Variants in USP34 observed in about 807,000 individuals in gnomAD.
USP34 encodes ubiquitin carboxyl-terminal hydrolase 34.
USP34 carries 70 observed loss-of-function variants against 460.3 expected under a neutral mutation model. The ratio of observed to expected loss-of-function variants is 0.15; its 90% CI spans 0.13 to 0.19. The LOEUF (loss-of-function observed/expected upper bound fraction) is 0.19, where lower values mean the gene tolerates loss of function less well. Among genes scored for constraint, USP34 ranks in the 10% least tolerant of loss-of-function variants. USP34 has a pLI of 1.00. For synonymous variants in USP34, 1,647 were observed against 1,405.3 expected (o/e 1.17, Z -3.85); for missense variants, 3,985 against 4,236.2 (o/e 0.94, Z 1.65).
intron 48 of USP34, among the ~76,000 whole-genome samples, chr2:61,255,487 A>T (rs961064966): frequency 6.6e-6 from 1 of 152,218 alleles, no homozygotes; most frequent in Non-Finnish European, 1.5e-5. Flanking sequence ...CAGCATTGGG[A>T]AAGTTTCTTT....
At chr2:61,390,703 ATAAGG>A (rs948322097) in intron 5 of USP34, among the ~76,000 whole-genome samples, 8 of 152,180 alleles carry the variant, frequency 5.3e-5, no homozygotes, top group African/African-American at 1.9e-4. Context: ...CCTTAATCTG[ATAAGG>A]TAAGAATTTC....
chr2:61,280,087 A>G (rs1001302067), intron 39 of USP34, among the ~76,000 whole-genome samples, 157 bp downstream of exon 39: 5 of 152,226 alleles, frequency 3.3e-5, no homozygotes, highest in African/African-American at 4.8e-5. Context: ...GAATTAGAAG[A>G]AGGTGGAAAA....
At chr2:61,216,492 C>A (rs969064616) in intron 67 of USP34, among the ~76,000 whole-genome samples, 11 of 151,876 alleles carry the variant, frequency 7.2e-5, no homozygotes, top group African/African-American at 2.7e-4. Flanking sequence ...CCCAGCTACT[C>A]GGGAGGCTGA....
chr2:61,264,897 A>G (rs1393897155), intron 43 of USP34, among the ~76,000 whole-genome samples: 1 of 152,050 alleles, frequency 6.6e-6, no homozygotes, highest in East Asian at 1.9e-4. Context: ...CCACGGTAAA[A>G]AAGAATGAAA....
Position 61,236,375 on chromosome 2 carries a change from A to G in USP34, c.6792T>C (p.Asp2264=). The change falls in exon 54 of 80, where the codon GAT becomes GAC. Residue 2264 remains aspartate (D), a synonymous_variant. Transcript: ENST00000398571. ...TTTTGTCTTGAAGAAACTGCATGTT[A>G]TCATGCCAAATCCACTGAAAATAAA... The part of the protein sequence containing the change: ...SSELLEWIWH[D]NMQFLQDKNI... The G allele has an allele frequency of 6.3e-7, 1 of 1,597,604 alleles. No individual in the cohort carries two copies. The highest frequency in any genetic ancestry group is 1.1e-5 in the South Asian group (1 of 87,240).
chr2:61,467,579 G>T (rs1265079374), intron 1 of USP34, among the ~76,000 whole-genome samples: 7 of 148,442 alleles, frequency 4.7e-5, no homozygotes. Context: ...CGTATTTAAA[G>T]ATGAATTCTG....
chr2:61,415,074 T>A (rs900053540), intron 2 of USP34, among the ~76,000 whole-genome samples: 1 of 152,154 alleles, frequency 6.6e-6, no homozygotes, highest in African/African-American at 2.4e-5. Flanking sequence ...CTTTTGTTAC[T>A]CAGGGCGTGG....
At chr2:61,296,465 T>A (rs1690033765) in intron 30 of USP34, among the ~76,000 whole-genome samples, 3 of 152,186 alleles carry the variant, frequency 2.0e-5, no homozygotes, top group Non-Finnish European at 4.4e-5. Context: ...ATTTCACCTC[T>A]GTGTATTTTC....
chr2:61,311,587 G>C lies in USP34; in HGVS notation c.3770C>G (p.Ala1257Gly). The change falls in exon 27 of 80, where the codon GCT becomes GGT. Residue 1257 changes from alanine to glycine, a missense_variant. Ala to Gly is a moderately conservative substitution (Grantham distance 60). Coordinates refer to ENST00000398571, the MANE Select transcript of USP34 (RefSeq NM_014709.4). ...NLQKEQINQQ[A>G]QLQEFGQSNR... The stretch of plus-strand genomic sequence containing the variant: ...GCTTTGACCAAACTCCTGAAGCTGA[G>C]CTTGTTGATTTATTTGTTCTTTCTG... 1 of 1,613,140 alleles carries C rather than the reference G, an allele frequency of 6.2e-7. No individual in the cohort carries two copies. Among genetic ancestry groups the C allele is most frequent in the East Asian group, 2.2e-5 (1 of 44,828 alleles).
In USP34 at chr2:61,362,712, T is replaced by C. The variant is rs1692311688; in HGVS notation, c.1251+7609A>G. Among the ~76,000 whole-genome samples the C allele has an allele frequency of 1.3e-5, 2 of 152,210 alleles. 1 individual carries two copies. Among genetic ancestry groups the C allele is most frequent in the South Asian group, 4.1e-4 (2 of 4,830 alleles). On this transcript the variant is annotated intron_variant, in intron 10 of 79. Transcript: ENST00000398571. ...AAATGAGTAAATTCTGGAGATCTCA[T>C]GTACAGCAATGTGACTACAGTTAAC...
At chr2:61,263,607 A>C (rs1372890268) in intron 43 of USP34, among the ~76,000 whole-genome samples, 2 of 151,514 alleles carry the variant, frequency 1.3e-5, no homozygotes, top group Non-Finnish European at 1.5e-5. Flanking sequence ...TCAGCCTCCC[A>C]AATAGCTGGG....
At chr2:61,226,930 T>C in intron 62 of USP34, 137 bp downstream of exon 62, 1 of 1,055,002 alleles carries the variant, frequency 9.5e-7, no homozygotes, top group Middle Eastern at 3.2e-4. Flanking sequence ...AGGATTTATA[T>C]AATAAAAGCT....
intron 13 of USP34, 54 bp from the exon 14 acceptor site, chr2:61,348,940 A>C: frequency 1.5e-5 from 23 of 1,536,100 alleles, no homozygotes; most frequent in Non-Finnish European, 1.8e-5. Flanking sequence ...ACATTGACTT[A>C]ACAGAATGAC....
chr2:61,399,447 C>T (rs1693643115), intron 3 of USP34, among the ~76,000 whole-genome samples: 1 of 151,830 alleles, frequency 6.6e-6, no homozygotes, highest in South Asian at 2.1e-4. Flanking sequence ...CACTCTATTT[C>T]CAATATGAAT....
At position 61,188,605 on chromosome 2, in the gene USP34, G is replaced by C; in HGVS notation, c.10138C>G (p.Leu3380Val). 1 of 1,614,184 alleles carries C rather than the reference G, an allele frequency of 6.2e-7. No homozygotes were observed. Among genetic ancestry groups the C allele is most frequent in the Non-Finnish European group, 8.5e-7 (1 of 1,180,040 alleles). ...TTGTCAGAAGTGCTCGTTGGGGTCAGGACCTCCCTGGTTTCTGTTTTCATG... is the reference window on the plus strand; with the variant it reads ...TTGTCAGAAGTGCTCGTTGGGGTCACGACCTCCCTGGTTTCTGTTTTCATG... The part of the protein sequence containing the change: ...SDMKTETREV[L>V]TPTSTSDNET... Residue 3380 changes from leucine to valine, a missense_variant, in exon 80 of 80, where the codon CTG (leucine) becomes GTG (valine). By Grantham distance (32) the Leu-to-Val change is conservative. Coordinates refer to ENST00000398571, the MANE Select transcript of USP34 (RefSeq NM_014709.4).
chr2:61,276,397 TTC>T (rs539668317), intron 41 of USP34, among the ~76,000 whole-genome samples: 4 of 152,292 alleles, frequency 2.6e-5, no homozygotes, highest in East Asian at 3.9e-4. Context: ...AAAATACATT[TTC>T]TTTTTTAATG....
intron 35 of USP34, among the ~76,000 whole-genome samples, chr2:61,284,631 T>G (rs1388909401): frequency 1.3e-5 from 2 of 152,172 alleles, no homozygotes; most frequent in Admixed American, 1.3e-4. Context: ...AGTCATGATA[T>G]CTGCAATTCA....
intron 10 of USP34, among the ~76,000 whole-genome samples, 186 bp from the exon 11 acceptor site, chr2:61,350,879 T>C (rs1265798920): frequency 6.6e-6 from 1 of 152,182 alleles, no homozygotes; most frequent in African/African-American, 2.4e-5. Flanking sequence ...CAAATTCACC[T>C]AAACAGAAAT....
intron 10 of USP34, among the ~76,000 whole-genome samples, chr2:61,369,227 T>C (rs1368434917): frequency 6.6e-6 from 1 of 152,198 alleles, no homozygotes; most frequent in Non-Finnish European, 1.5e-5. Context: ...ACCACACATA[T>C]TCTTTAACCT....
Sources: allele counts gnomAD v4.1 joint callset (sites outside exome capture counted in the v4.1 genomes callset), GRCh38; gene constraint gnomAD v4.1.1; transcripts MANE v1.5; gene names NCBI Gene and HGNC (gene_info 2026-07-23, HGNC 2026-07-21).